BMPER: variants seen among roughly 807,000 people sequenced by gnomAD.
BMPER encodes the protein BMP binding endothelial regulator, also known as BMP-binding endothelial regulator protein.
In BMPER, 45 loss-of-function variants were observed where a neutral mutation model predicts 87.3. The observed-to-expected ratio is 0.52, with a 90% confidence interval of 0.41 to 0.66. BMPER has a LOEUF of 0.66. Ranked by LOEUF, BMPER falls within the 30% of genes least tolerant of loss-of-function variation. The pLI is 0.00. For synonymous variants in BMPER, 326 were observed against 316.2 expected (o/e 1.03, Z -0.33); for missense variants, 784 against 867.5 (o/e 0.90, Z 1.21).
chr7:34,109,961 G>A (rs577407807), intron 13 of BMPER, among the ~76,000 whole-genome samples: 9 of 152,248 alleles, frequency 5.9e-5, no homozygotes, highest in Admixed American at 5.9e-4. Flanking sequence ...TAATGTTATA[G>A]AGAATCTTGC....
chr7:33,941,592 G>A (rs543463756), intron 3 of BMPER, among the ~76,000 whole-genome samples: 1 of 152,238 alleles, frequency 6.6e-6, no homozygotes, highest in Non-Finnish European at 1.5e-5. Context: ...TCACACATTA[G>A]ATTCTCATAA....
intron 3 of BMPER, among the ~76,000 whole-genome samples, chr7:33,948,925 G>A (rs1476719248): frequency 6.6e-6 from 1 of 151,922 alleles, no homozygotes; most frequent in African/African-American, 2.4e-5. Flanking sequence ...AGATAAACAA[G>A]AGAGAAAGTG....
chr7:34,009,363 T>C (rs1261819934), intron 6 of BMPER, among the ~76,000 whole-genome samples: 1 of 151,970 alleles, frequency 6.6e-6, no homozygotes, highest in Non-Finnish European at 1.5e-5. Context: ...ATAACCTTCA[T>C]AAACCTACTC....
In BMPER at chr7:33,932,198, A is replaced by G. The variant is rs17170497; in HGVS notation, c.220-5091A>G. Among the ~76,000 whole-genome samples, 629 of 152,288 alleles carry G rather than the reference A, an allele frequency of 4.1e-3. 25 individuals are homozygous for G. In the East Asian group the frequency reaches 0.09, roughly 22 times the overall value. Reference sequence around the variant, plus strand: ...TGAATGTGGGTCTACCTCCAGGGGTATTTGTATTTTGGTGGGGAATTCTTG... The same window carrying G: ...TGAATGTGGGTCTACCTCCAGGGGTGTTTGTATTTTGGTGGGGAATTCTTG... On this transcript the variant is annotated intron_variant, in intron 2 of 14. Coordinates refer to ENST00000649409, the MANE Select transcript of BMPER (RefSeq NM_001365308.1).
intron 6 of BMPER, among the ~76,000 whole-genome samples, chr7:34,020,218 A>G (rs937375771): frequency 2.0e-5 from 3 of 151,968 alleles, no homozygotes; most frequent in African/African-American, 7.2e-5. Context: ...GATTTAATCC[A>G]TGAAAAAAAT....
At chr7:33,985,173 A>G (rs538737824) in intron 6 of BMPER, among the ~76,000 whole-genome samples, 5 of 152,370 alleles carry the variant, frequency 3.3e-5, no homozygotes, top group Non-Finnish European at 7.3e-5. Context: ...GCCTAGATAT[A>G]TTGAGAAATT....
chr7:34,113,905 T>C (rs71532596), intron 13 of BMPER, among the ~76,000 whole-genome samples: 1 of 152,226 alleles, frequency 6.6e-6, no homozygotes, highest in African/African-American at 2.4e-5. Flanking sequence ...CTATCTCTTG[T>C]CTTTTTCCTG....
At chr7:34,124,332 A>T (rs1045712691) in intron 13 of BMPER, among the ~76,000 whole-genome samples, 1 of 152,180 alleles carries the variant, frequency 6.6e-6, no homozygotes, top group Non-Finnish European at 1.5e-5. Context: ...TTATTAATAC[A>T]TAATTCAGAC....
rs1789205655 is a variant in BMPER at position 34,086,206 on chromosome 7, G to A, written c.1745+114G>A. On this transcript the variant is annotated intron_variant, in intron 13 of 14. Transcript: ENST00000649409. ...GCAGGACAAAGGCTCAAAACCCAGG[G>A]TAGGCATCTTCTTGCTGTCCAGGAG... 6.6e-6 allele frequency: 8 copies of A among 1,216,482 alleles called. No individual in the cohort carries two copies. In the Admixed American group the frequency reaches 1.2e-4, roughly 18 times the overall value. 75.4% of individuals were successfully genotyped at this position (1,216,482 alleles called of 1,614,324 possible). A position where few individuals can be genotyped will look rare whatever the true frequency, so the allele number is the denominator to read the frequency against.
intron 6 of BMPER, among the ~76,000 whole-genome samples, chr7:34,007,755 A>G (rs905089611): frequency 2.0e-5 from 3 of 151,980 alleles, no homozygotes; most frequent in Non-Finnish European, 4.4e-5. Context: ...ATTATAAACA[A>G]TTATATAATT....
At chr7:34,024,890 T>A (rs1787314136) in intron 6 of BMPER, among the ~76,000 whole-genome samples, 1 of 152,086 alleles carries the variant, frequency 6.6e-6, no homozygotes, top group Non-Finnish European at 1.5e-5. Context: ...GTGACTTGGA[T>A]AATTCTGATG....
intron 11 of BMPER, among the ~76,000 whole-genome samples, chr7:34,068,201 C>T (rs1029189771): frequency 3.3e-5 from 5 of 152,210 alleles, no homozygotes; most frequent in Non-Finnish European, 5.9e-5. Context: ...CTCCATTTTA[C>T]AGTTGAGGGA....
At chr7:33,996,201 C>G (rs1222416597) in intron 6 of BMPER, among the ~76,000 whole-genome samples, 2 of 152,072 alleles carry the variant, frequency 1.3e-5, no homozygotes, top group African/African-American at 4.8e-5. Context: ...GGCTTTGGAG[C>G]CCCAGAGAGT....
At chr7:34,030,820 A>G (rs1233438582) in intron 6 of BMPER, among the ~76,000 whole-genome samples, 2 of 151,954 alleles carry the variant, frequency 1.3e-5, no homozygotes, top group Non-Finnish European at 2.9e-5. Flanking sequence ...CCCAGCTGGT[A>G]TCAAACTCCT....
rs536795773 is a variant in BMPER at position 34,045,338 on chromosome 7, A to ATAT, written c.577-968_577-967insTAT. ...TGGAAAACCTTTTTATTTCTACCCC[A>ATAT]GCTTTCTGAATATGAAGTTACAACT... On this transcript the variant is annotated intron_variant, in intron 6 of 14. Coordinates refer to ENST00000649409, the MANE Select transcript of BMPER (RefSeq NM_001365308.1). Among the ~76,000 whole-genome samples, 1,348 of 152,316 alleles carry ATAT rather than the reference A, an allele frequency of 8.9e-3. 18 individuals are homozygous for ATAT. Among genetic ancestry groups the ATAT allele is most frequent in the African/African-American group, 0.031 (1,275 of 41,564 alleles).
intron 13 of BMPER, among the ~76,000 whole-genome samples, chr7:34,102,829 A>G (rs560946994): frequency 3.3e-5 from 5 of 152,234 alleles, no homozygotes; most frequent in Admixed American, 3.3e-4. Context: ...CACATACATA[A>G]TATATGAGGT....
intron 11 of BMPER, among the ~76,000 whole-genome samples, chr7:34,071,939 A>G (rs1788745843): frequency 6.6e-6 from 1 of 152,136 alleles, no homozygotes; most frequent in South Asian, 2.1e-4. Flanking sequence ...GTGTCTACAC[A>G]TTTCTTCAGA....
At chr7:34,117,352 C>T (rs1790144214) in intron 13 of BMPER, among the ~76,000 whole-genome samples, 1 of 152,130 alleles carries the variant, frequency 6.6e-6, no homozygotes, top group African/African-American at 2.4e-5. Flanking sequence ...GGCTTACATT[C>T]CTATGAGGAT....
At chr7:34,100,028 A>G (rs1789637867) in intron 13 of BMPER, among the ~76,000 whole-genome samples, 1 of 152,114 alleles carries the variant, frequency 6.6e-6, no homozygotes, top group Non-Finnish European at 1.5e-5. Flanking sequence ...CACCAGGTCA[A>G]GAAATTCTGT....
Sources: allele counts gnomAD v4.1 joint callset (sites outside exome capture counted in the v4.1 genomes callset), GRCh38; gene constraint gnomAD v4.1.1; transcripts MANE v1.5; gene names NCBI Gene and HGNC (gene_info 2026-07-23, HGNC 2026-07-21).